The following IFT43 variants were observed in gnomAD, a reference collection of about 807,000 sequenced individuals.
IFT43 encodes the protein intraflagellar transport 43, also known as intraflagellar transport protein 43 homolog.
Under a neutral mutation model 32.3 loss-of-function variants are expected in IFT43, and 33 were observed. That is an observed-to-expected ratio of 1.02 (90% CI 0.77 to 1.37). The LOEUF (loss-of-function observed/expected upper bound fraction) is 1.37. Ranked by LOEUF, IFT43 falls within the 40% of genes most tolerant of loss-of-function variation. IFT43 has a pLI of 0.00. For synonymous variants in IFT43, 93 were observed against 98.2 expected (o/e 0.95, Z 0.31); for missense variants, 274 against 265.9 (o/e 1.03, Z -0.21).
At position 76,083,419 on chromosome 14, in the gene IFT43, G is replaced by A. The variant is rs75159334; in HGVS notation, c.508-39G>A. ...AAGTCAGCTACAGTTGAGGGAAAAG[G>A]CCTTTCTTTGTCTTACCCAGCGAAA... On this transcript the variant is annotated intron_variant, in intron 8 of 8. Coordinates refer to ENST00000314067, the MANE Select transcript of IFT43 (RefSeq NM_001102564.3). The A allele has an allele frequency of 1.7e-3, 2,791 of 1,614,034 alleles. 38 individuals carry two copies. In the African/African-American group the frequency reaches 0.033, roughly 19 times the overall value.
chr14:75,990,339 T>C (rs994961904), intron 2 of IFT43, among the ~76,000 whole-genome samples: 1 of 152,232 alleles, frequency 6.6e-6, no homozygotes, highest in Admixed American at 6.5e-5. Context: ...AATCATCATA[T>C]GGGCTGGATT....
chr14:76,009,469 A>G (rs1487523859), intron 2 of IFT43, among the ~76,000 whole-genome samples: 3 of 152,240 alleles, frequency 2.0e-5, no homozygotes, highest in South Asian at 2.1e-4. Flanking sequence ...TTATTCACCA[A>G]CAGTCAAGTC....
At chr14:75,988,769 C>T (rs1401565675) in intron 1 of IFT43, 116 bp from the exon 2 acceptor site, 44 of 1,489,414 alleles carry the variant, frequency 3.0e-5, no homozygotes, top group Admixed American at 1.5e-4. Context: ...CTGCCTGCCT[C>T]GTCCTCCCAA....
chr14:76,059,086 G>T, intron 4 of IFT43: 5 of 1,437,378 alleles, frequency 3.5e-6, no homozygotes, highest in Non-Finnish European at 4.5e-6. Flanking sequence ...CCCAGGGGCG[G>T]AAGCTGCATT....
intron 2 of IFT43, among the ~76,000 whole-genome samples, chr14:76,002,050 C>T (rs981439290): frequency 4.6e-5 from 7 of 152,162 alleles, no homozygotes; most frequent in Admixed American, 1.3e-4. Flanking sequence ...GAGTTCAAGA[C>T]CAGCCTGACC....
chr14:76,025,277 G>A (rs984025391), intron 3 of IFT43, among the ~76,000 whole-genome samples: 6 of 152,016 alleles, frequency 3.9e-5, no homozygotes, highest in African/African-American at 1.5e-4. Context: ...AGAAGTCAGA[G>A]ATGATACAAA....
intron 2 of IFT43, among the ~76,000 whole-genome samples, chr14:76,002,777 G>A (rs2035913291): frequency 6.6e-6 from 1 of 152,232 alleles, no homozygotes; most frequent in African/African-American, 2.4e-5. Flanking sequence ...TGGTCTAGAG[G>A]AACTTTGGGG....
intron 5 of IFT43, among the ~76,000 whole-genome samples, chr14:76,077,940 C>A (rs931277525): frequency 1.3e-5 from 2 of 152,228 alleles, no homozygotes; most frequent in African/African-American, 4.8e-5. Flanking sequence ...AACCCTAACC[C>A]TACTAACCCT....
At position 76,062,934 on chromosome 14, in the gene IFT43, A is replaced by AG. The variant is rs1280600230; in HGVS notation, c.295+3561_295+3562insG. 1.1e-4 allele frequency among the ~76,000 whole-genome samples: 16 copies of AG among 151,132 alleles called. No individual in the cohort carries two copies. The East Asian group carries it at 1.4e-3, about 13-fold the overall frequency. On this transcript the variant is annotated intron_variant, in intron 5 of 8. Transcript: ENST00000314067. ...TCCCATCTCAAAAAAAAAAAAAAAA[A>AG]AAAAAAAGAAAATACATTAAGTCAA...
At position 76,052,420 on chromosome 14, in the gene IFT43, G is replaced by A. The variant is rs1365094313; in HGVS notation, c.216-6222G>A. Among the ~76,000 whole-genome samples, 4 of 152,264 alleles carry A rather than the reference G, an allele frequency of 2.6e-5. No individual in the cohort carries two copies. In the East Asian group the frequency reaches 7.7e-4, roughly 29 times the overall value. The stretch of plus-strand genomic sequence containing the variant: ...TGAAGGGAATCCAGGTTGTTTTGCG[G>A]CCTCTTCCCCAGAAGTTCATGGGGT... On this transcript the variant is annotated intron_variant, in intron 3 of 8. Transcript: ENST00000314067.
chr14:76,039,601 G>A (rs1198494635), intron 3 of IFT43, among the ~76,000 whole-genome samples: 1 of 152,178 alleles, frequency 6.6e-6, no homozygotes, highest in Non-Finnish European at 1.5e-5. Context: ...TTTAGTCTTT[G>A]TATAACATCG....
At chr14:76,019,982 C>T (rs1566710609) in intron 2 of IFT43, among the ~76,000 whole-genome samples, 2 of 147,648 alleles carry the variant, frequency 1.4e-5, no homozygotes, top group African/African-American at 2.5e-5. Context: ...TGTTTGTACT[C>T]TTTTTTTTTT....
chr14:76,077,693 A>T (rs2037435519), intron 5 of IFT43, among the ~76,000 whole-genome samples: 1 of 152,200 alleles, frequency 6.6e-6, no homozygotes, highest in Non-Finnish European at 1.5e-5. Flanking sequence ...AGGAAGAGAC[A>T]TGCATTTTCT....
rs150616080 is a variant in IFT43, at chr14:76,083,533, C to T, written c.583C>T (p.Gln195Ter). 8.0e-5 allele frequency: 129 copies of T among 1,614,160 alleles called. No homozygotes were observed. Among genetic ancestry groups the T allele is most frequent in the African/African-American group, 3.6e-4 (27 of 75,060 alleles). Residue 195 changes from glutamine (Q) to a stop codon, truncating the protein, a stop_gained, in exon 9 of 9, where the codon CAG (glutamine) becomes TAG (stop). Transcript: ENST00000314067. LOFTEE classifies it low-confidence loss of function (END_TRUNC). ...GGTCCTCACTGAGTGGGACCCACTGCAGACGGAGAAGGAGGACCCTGCGGG... is the reference window on the plus strand; with the variant it reads ...GGTCCTCACTGAGTGGGACCCACTGTAGACGGAGAAGGAGGACCCTGCGGG... ...SEVLTEWDPL[Q>*]TEKEDPAGQA... is the part of the protein sequence containing the mutation.
intron 5 of IFT43, among the ~76,000 whole-genome samples, chr14:76,060,182 A>C (rs1368220593): frequency 6.6e-6 from 1 of 152,032 alleles, no homozygotes; most frequent in Non-Finnish European, 1.5e-5. Flanking sequence ...TCTAGGGAGG[A>C]GATTACGTAG....
intron 3 of IFT43, among the ~76,000 whole-genome samples, chr14:76,052,866 C>T (rs1180648231): frequency 1.3e-5 from 2 of 152,180 alleles, no homozygotes; most frequent in African/African-American, 4.8e-5. Flanking sequence ...GACAAAGCTA[C>T]AGCCCTACTA....
At chr14:76,063,879 TA>T (rs1178986972) in intron 5 of IFT43, among the ~76,000 whole-genome samples, 1 of 152,208 alleles carries the variant, frequency 6.6e-6, no homozygotes. Flanking sequence ...GGCCATGCAC[TA>T]ATCAGAAGCT....
At chr14:76,024,845 G>A (rs920791939) in intron 3 of IFT43, among the ~76,000 whole-genome samples, 1 of 152,176 alleles carries the variant, frequency 6.6e-6, no homozygotes, top group Non-Finnish European at 1.5e-5. Context: ...TTGATTCATT[G>A]CTTAAATATA....
intron 5 of IFT43, among the ~76,000 whole-genome samples, chr14:76,070,752 T>G (rs1362387708): frequency 6.6e-6 from 1 of 152,048 alleles, no homozygotes; most frequent in African/African-American, 2.4e-5. Context: ...TCCGGTTGTT[T>G]AAGTGTGTGG....
Sources: gnomAD v4.1 joint callset for allele counts (sites outside exome capture counted in the v4.1 genomes callset) on GRCh38, gnomAD v4.1.1 for gene constraint, MANE v1.5 for transcripts, NCBI Gene and HGNC (gene_info 2026-07-23, HGNC 2026-07-21) for gene names.